The following LARGE1 variants were observed in gnomAD, a reference collection of about 807,000 sequenced individuals.
LARGE1 encodes xylosyl- and glucuronyltransferase LARGE1.
A neutral mutation model predicts 87.6 loss-of-function variants in LARGE1; 43 were observed. The observed-to-expected ratio is 0.49, with a 90% CI of 0.38 to 0.63. The LOEUF (loss-of-function observed/expected upper bound fraction) is 0.63. Among genes scored for constraint, LARGE1 ranks in the 30% least tolerant of loss-of-function variants. The pLI is 0.00. For synonymous variants in LARGE1, 434 were observed against 394.6 expected, an observed-to-expected ratio of 1.10 and a Z score of -1.18; for missense variants, 802 against 1,000.2, an observed-to-expected ratio of 0.80 and a Z score of 2.67.
chr22:33,911,105 G>A lies in LARGE1; in HGVS notation c.-83+8890C>T, dbSNP rs547040114. ...AAATGACCGAATGAGAGAGTGCCTG[G>A]CACAAAAGAAACACTGGAAGAACGT... On this transcript the variant is annotated intron_variant, in intron 1 of 14. Transcript: ENST00000397394. 5.9e-5 allele frequency among the ~76,000 whole-genome samples: 9 copies of A among 152,282 alleles called. No individual in the cohort carries two copies. The South Asian group carries it at 1.9e-3, about 32-fold the overall frequency.
chr22:33,469,618 A>G (rs1230669976), intron 6 of LARGE1, among the ~76,000 whole-genome samples: 3 of 152,184 alleles, frequency 2.0e-5, no homozygotes, highest in Middle Eastern at 3.4e-3. Flanking sequence ...TGAGGTCAGG[A>G]GTTCGAGACC....
At chr22:33,364,171 C>T (rs1393362758) in intron 9 of LARGE1, among the ~76,000 whole-genome samples, 3 of 152,146 alleles carry the variant, frequency 2.0e-5, no homozygotes, top group Non-Finnish European at 4.4e-5. Context: ...TCTCCTGCCT[C>T]AGCCTCCCGA....
intron 11 of LARGE1, among the ~76,000 whole-genome samples, chr22:33,309,507 T>A (rs1387744269): frequency 6.6e-6 from 1 of 152,120 alleles, no homozygotes; most frequent in African/African-American, 2.4e-5. Flanking sequence ...AGCTGGCTCC[T>A]TCCACCACGT....
intron 9 of LARGE1, among the ~76,000 whole-genome samples, chr22:33,345,629 G>T (rs1939658993): frequency 1.3e-5 from 2 of 152,200 alleles, no homozygotes; most frequent in South Asian, 4.1e-4. Context: ...TGCCGACTTG[G>T]AGTCGGCCTC....
At chr22:33,351,672 G>A in intron 9 of LARGE1, among the ~76,000 whole-genome samples, 1 of 151,980 alleles carries the variant, frequency 6.6e-6, no homozygotes, top group Non-Finnish European at 1.5e-5. Context: ...CGAGGAGATG[G>A]ATCTTAATCC....
chr22:33,269,158 T>A (rs1405809305), downstream of LARGE1, among the ~76,000 whole-genome samples: 1 of 152,220 alleles, frequency 6.6e-6, no homozygotes, highest in Non-Finnish European at 1.5e-5. Context: ...TTCAAATGTT[T>A]GAGGAAAAAA....
At chr22:33,294,963 G>A (rs533482933) in intron 12 of LARGE1, among the ~76,000 whole-genome samples, 1 of 152,290 alleles carries the variant, frequency 6.6e-6, no homozygotes, top group Admixed American at 6.5e-5. Context: ...CTTAACTTCT[G>A]TGTTTTAATC....
chr22:33,872,936 G>A (rs1327901840), intron 1 of LARGE1, among the ~76,000 whole-genome samples: 1 of 152,052 alleles, frequency 6.6e-6, no homozygotes, highest in African/African-American at 2.4e-5. Context: ...TGAGGTGGAG[G>A]TTACAGTGAA....
At chr22:33,605,163 T>A (rs1315947649) in intron 4 of LARGE1, among the ~76,000 whole-genome samples, 1 of 152,032 alleles carries the variant, frequency 6.6e-6, no homozygotes, top group Non-Finnish European at 1.5e-5. Flanking sequence ...ACTAAGCCAA[T>A]GGCCTCCAGC....
At position 33,272,893 on chromosome 22, in the gene LARGE1, G is replaced by C. The variant is rs16992029; in HGVS notation, c.*1534C>G. The C allele has an allele frequency of 0.19, 29,493 of 152,456 alleles. 3,187 individuals are homozygous for C. Among genetic ancestry groups the C allele is most frequent in the African/African-American group, 0.26 (10,807 of 41,480 alleles). The allele number at this position is 152,456 out of a possible 1,614,324, so 9.4% of individuals were successfully genotyped here. Reference sequence around the variant, plus strand: ...ATGCGGAATGGAAAACTTGAAGATGGTTTGAGTTAGAGACAGAGTGGGATC... The same window carrying C: ...ATGCGGAATGGAAAACTTGAAGATGCTTTGAGTTAGAGACAGAGTGGGATC... On this transcript the variant is annotated 3_prime_UTR_variant, in exon 15 of 15. Coordinates refer to ENST00000397394, the MANE Select transcript of LARGE1 (RefSeq NM_133642.5).
intron 1 of LARGE1, among the ~76,000 whole-genome samples, chr22:33,917,481 C>T (rs1055195603): frequency 6.6e-6 from 1 of 152,058 alleles, no homozygotes; most frequent in African/African-American, 2.4e-5. Context: ...TCTAAGTATA[C>T]GGAATGTATT....
At chr22:33,898,300 G>C (rs950537540) in intron 1 of LARGE1, among the ~76,000 whole-genome samples, 2 of 152,118 alleles carry the variant, frequency 1.3e-5, no homozygotes, top group Non-Finnish European at 2.9e-5. Flanking sequence ...CAAGTGCCCC[G>C]CCCCCCATCC....
chr22:33,608,949 G>C (rs890427184), intron 4 of LARGE1, among the ~76,000 whole-genome samples: 1 of 152,168 alleles, frequency 6.6e-6, no homozygotes, highest in Non-Finnish European at 1.5e-5. Context: ...AGTACTACCT[G>C]ATATATGGTA....
At chr22:33,309,585 G>A (rs1395124967) in intron 11 of LARGE1, among the ~76,000 whole-genome samples, 1 of 152,190 alleles carries the variant, frequency 6.6e-6, no homozygotes, top group South Asian at 2.1e-4. Flanking sequence ...CAAATCGACC[G>A]AAGCCTTGAT....
chr22:33,422,230 C>T (rs990269002), intron 7 of LARGE1, among the ~76,000 whole-genome samples: 3 of 152,150 alleles, frequency 2.0e-5, no homozygotes, highest in African/African-American at 7.2e-5. Flanking sequence ...TACCACAGGC[C>T]GTTCATGTTT....
intron 7 of LARGE1, among the ~76,000 whole-genome samples, chr22:33,404,308 T>C (rs1394362293): frequency 6.6e-6 from 1 of 152,208 alleles, no homozygotes. Flanking sequence ...AGCCAGCTGA[T>C]AAATTGGAAA....
At chr22:33,863,554 G>A (rs918483903) in intron 1 of LARGE1, among the ~76,000 whole-genome samples, 1 of 150,094 alleles carries the variant, frequency 6.7e-6, no homozygotes, top group Non-Finnish European at 1.5e-5. Flanking sequence ...TCAGGAGTTC[G>A]AGACCAGCCT....
intron 1 of LARGE1, among the ~76,000 whole-genome samples, chr22:33,810,880 T>C (rs5749671): frequency 0.53 from 80,908 of 151,994 alleles, 21,745 homozygotes; most frequent in South Asian, 0.63. Flanking sequence ...TGCGCCACCG[T>C]GCCTAGCTAA....
intron 5 of LARGE1, among the ~76,000 whole-genome samples, chr22:33,595,615 T>G (rs182954336): frequency 1.3e-5 from 2 of 152,290 alleles, no homozygotes; most frequent in East Asian, 1.9e-4. Flanking sequence ...GTTGAAGAAA[T>G]GTAGTAGTGA....
Sources: gnomAD v4.1 joint callset for allele counts (sites outside exome capture counted in the v4.1 genomes callset) on GRCh38, gnomAD v4.1.1 for gene constraint, MANE v1.5 for transcripts, NCBI Gene and HGNC (gene_info 2026-07-23, HGNC 2026-07-21) for gene names.